The following ROBO1 variants were observed in gnomAD, a reference collection of about 807,000 sequenced individuals.
The protein encoded by ROBO1 is roundabout guidance receptor 1, also known as roundabout homolog 1.
ROBO1 carries 149 observed loss-of-function variants against 195.9 expected under a neutral mutation model. That is an observed-to-expected ratio of 0.76 (90% CI 0.67 to 0.87). The LOEUF (loss-of-function observed/expected upper bound fraction) is 0.87, where lower values mean the gene tolerates loss of function less well. Ranked by LOEUF, ROBO1 falls within the 40% of genes least tolerant of loss-of-function variation. The pLI, the probability that ROBO1 is intolerant of heterozygous loss-of-function variation, is 0.00. For missense variants in ROBO1, 1,933 were observed against 2,068.3 expected, an observed-to-expected ratio of 0.93 and a Z score of 1.27; for synonymous variants, 816 against 733.2, an observed-to-expected ratio of 1.11 and a Z score of -1.82.
intron 2 of ROBO1, among the ~76,000 whole-genome samples, chr3:79,214,826 A>ATATATATAT (rs1262558726): frequency 1.5e-5 from 2 of 129,154 alleles, no homozygotes; most frequent in Non-Finnish European, 1.6e-5. Context: ...ATATATATAT[A>ATATATATAT]TTTTTTTTTT....
chr3:78,816,817 T>C (rs981510271), intron 4 of ROBO1, among the ~76,000 whole-genome samples: 1 of 151,950 alleles, frequency 6.6e-6, no homozygotes, highest in African/African-American at 2.4e-5. Flanking sequence ...AGATGAAGAG[T>C]CACTTCTTAT....
At chr3:79,181,649 A>G (rs1399859833) in intron 2 of ROBO1, among the ~76,000 whole-genome samples, 2 of 152,170 alleles carry the variant, frequency 1.3e-5, no homozygotes, top group African/African-American at 4.8e-5. Flanking sequence ...TTTTACCTTA[A>G]TGTAAGAAAT....
chr3:79,568,495 A>AC (rs397942269), intron 2 of ROBO1, among the ~76,000 whole-genome samples: 1 of 144,918 alleles, frequency 6.9e-6, no homozygotes, highest in African/African-American at 2.6e-5. Flanking sequence ...AAAAAAAAAA[A>AC]CAGATTGATT....
At chr3:79,444,136 A>T in intron 2 of ROBO1, among the ~76,000 whole-genome samples, 1 of 152,246 alleles carries the variant, frequency 6.6e-6, no homozygotes, top group Middle Eastern at 3.4e-3. Context: ...TTACATAAAT[A>T]TATTGTTAAT....
chr3:79,761,026 A>C (rs1230105448), intron 1 of ROBO1, among the ~76,000 whole-genome samples: 2 of 149,160 alleles, frequency 1.3e-5, no homozygotes, highest in Non-Finnish European at 3.0e-5. Context: ...AAAATATAAT[A>C]CATATTTTAA....
At chr3:79,181,996 T>C (rs924933869) in intron 2 of ROBO1, among the ~76,000 whole-genome samples, 1 of 151,244 alleles carries the variant, frequency 6.6e-6, no homozygotes, top group Non-Finnish European at 1.5e-5. Context: ...TTATTCACTT[T>C]TATATATATT....
chr3:78,950,898 A>G lies in ROBO1; in HGVS notation c.173-11971T>C, dbSNP rs563166426. 1.4e-4 allele frequency among the ~76,000 whole-genome samples: 21 copies of G among 152,068 alleles called. 1 individual carries two copies. The highest frequency in any genetic ancestry group is 5.1e-4 in the African/African-American group (21 of 41,514). On this transcript the variant is annotated intron_variant, in intron 3 of 30. Transcript: ENST00000464233. ...TACATTGCTGAGTAAATATCCTTACATGATCAGTTTTTCATATTCTGAGAA... is the reference window on the plus strand; with the variant it reads ...TACATTGCTGAGTAAATATCCTTACGTGATCAGTTTTTCATATTCTGAGAA...
chr3:79,507,973 CTCAGCAAAATA>C (rs879267255), intron 2 of ROBO1: 8 of 153,324 alleles, frequency 5.2e-5, no homozygotes, highest in African/African-American at 1.7e-4. Context: ...CTCTACTATT[CTCAGCAAAATA>C]TCAGCAAAAT....
chr3:79,361,133 A>G (rs1437401573), intron 2 of ROBO1, among the ~76,000 whole-genome samples: 2 of 152,082 alleles, frequency 1.3e-5, no homozygotes, highest in Non-Finnish European at 2.9e-5. Flanking sequence ...ACCCATCACT[A>G]GTCCACAGAA....
chr3:79,298,316 C>T (rs984978191), intron 2 of ROBO1, among the ~76,000 whole-genome samples: 3 of 151,820 alleles, frequency 2.0e-5, no homozygotes, highest in Non-Finnish European at 4.4e-5. Flanking sequence ...CCACGTAGCT[C>T]ATTGTACACT....
chr3:79,103,992 C>A (rs538656902), intron 3 of ROBO1, among the ~76,000 whole-genome samples: 2 of 151,530 alleles, frequency 1.3e-5, no homozygotes, highest in Non-Finnish European at 3.0e-5. Context: ...GAATATGGCC[C>A]GAACCTCTGC....
intron 2 of ROBO1, among the ~76,000 whole-genome samples, chr3:79,427,708 T>C (rs917421103): frequency 9.2e-5 from 14 of 152,152 alleles, no homozygotes; most frequent in Admixed American, 9.2e-4. Context: ...GTCTCTTCAA[T>C]AAGTGGTGTT....
intron 3 of ROBO1, among the ~76,000 whole-genome samples, chr3:78,994,434 T>C (rs535963498): frequency 9.8e-5 from 15 of 152,318 alleles, no homozygotes; most frequent in African/African-American, 3.6e-4. Flanking sequence ...CCACCTTCTT[T>C]ATGTAAAAGA....
At chr3:79,053,954 G>C (rs1242881379) in intron 3 of ROBO1, among the ~76,000 whole-genome samples, 1 of 152,114 alleles carries the variant, frequency 6.6e-6, no homozygotes, top group Non-Finnish European at 1.5e-5. Context: ...CTTGTACTCA[G>C]TATGGTCTTA....
At chr3:79,608,214 C>G (rs1944549654) in intron 1 of ROBO1, among the ~76,000 whole-genome samples, 1 of 151,924 alleles carries the variant, frequency 6.6e-6, no homozygotes, top group Non-Finnish European at 1.5e-5. Context: ...ATGTGGTCCA[C>G]AAAAGCACCT....
At chr3:78,845,144 A>G (rs1473081206) in intron 4 of ROBO1, among the ~76,000 whole-genome samples, 1 of 152,058 alleles carries the variant, frequency 6.6e-6, no homozygotes, top group Non-Finnish European at 1.5e-5. Flanking sequence ...GCCACTAACT[A>G]CTGTGAATAT....
At chr3:79,322,746 G>A (rs28668594) in intron 2 of ROBO1, among the ~76,000 whole-genome samples, 2,326 of 151,908 alleles carry the variant, frequency 0.015, 41 homozygotes, top group African/African-American at 0.035. Context: ...CCTTTCAGAC[G>A]GGTTGACATA....
At chr3:79,557,767 T>TATATATATATATA (rs1559991102) in intron 2 of ROBO1, among the ~76,000 whole-genome samples, 1 of 147,560 alleles carries the variant, frequency 6.8e-6, no homozygotes, top group African/African-American at 2.5e-5. Flanking sequence ...TATATATATT[T>TATATATATATATA]TATTGCAATT....
chr3:79,013,536 A>AT (rs1172191912), intron 3 of ROBO1, among the ~76,000 whole-genome samples: 6 of 152,130 alleles, frequency 3.9e-5, no homozygotes, highest in South Asian at 2.1e-4. Flanking sequence ...ATTTAAGTGG[A>AT]TTTTTTCTGA....
Sources: gnomAD v4.1 joint callset for allele counts (sites outside exome capture counted in the v4.1 genomes callset) on GRCh38, gnomAD v4.1.1 for gene constraint, MANE v1.5 for transcripts, NCBI Gene and HGNC (gene_info 2026-07-23, HGNC 2026-07-21) for gene names.